Variants in PLEKHM1 observed in about 807,000 individuals in gnomAD.
PLEKHM1 encodes pleckstrin homology and RUN domain containing M1.
A neutral mutation model predicts 94.3 loss-of-function variants in PLEKHM1; 28 were observed. The observed-to-expected ratio is 0.30, with a 90% CI of 0.22 to 0.41. PLEKHM1 has a LOEUF of 0.41. Ranked by LOEUF, PLEKHM1 falls within the 10% of genes least tolerant of loss-of-function variation. The pLI is 1.00. For missense variants in PLEKHM1, 907 were observed against 1,358.6 expected, an observed-to-expected ratio of 0.67 and a Z score of 5.22; for synonymous variants, 424 against 581.2, an observed-to-expected ratio of 0.73 and a Z score of 3.89.
chr17:45,490,543 G>T lies in PLEKHM1; in HGVS notation c.-42+109C>A, dbSNP rs539249874. The T allele has an allele frequency of 2.3e-4, 91 of 390,998 alleles. No individual in the cohort carries two copies. The East Asian group carries it at 7.7e-3, about 33-fold the overall frequency. 24.2% of individuals were successfully genotyped at this position (390,998 alleles called of 1,614,324 possible). A position where few individuals can be genotyped will look rare whatever the true frequency, so the allele number is the denominator to read the frequency against. On this transcript the variant is annotated intron_variant, in intron 1 of 11. Transcript: ENST00000430334. ...GGCCCTGAAGCCGGGCAGTCTCAGG[G>T]TAACCAGGGGCTGGGAATCGCGGAG...
intron 4 of PLEKHM1, among the ~76,000 whole-genome samples, chr17:45,470,178 A>G (rs1466790568): frequency 6.6e-6 from 1 of 152,248 alleles, no homozygotes; most frequent in African/African-American, 2.4e-5. Flanking sequence ...AATCACATGC[A>G]AAAGAAAAAA....
At chr17:45,472,216 G>A (rs2051537927) in intron 4 of PLEKHM1, among the ~76,000 whole-genome samples, 1 of 149,700 alleles carries the variant, frequency 6.7e-6, no homozygotes, top group Admixed American at 6.6e-5. Context: ...GCTGGTCTCT[G>A]TGGATGCTCA....
At chr17:45,483,187 A>G (rs1357461597) in intron 1 of PLEKHM1, among the ~76,000 whole-genome samples, 1 of 151,964 alleles carries the variant, frequency 6.6e-6, no homozygotes, top group Non-Finnish European at 1.5e-5. Flanking sequence ...TTTGCCACTA[A>G]CCAGGTAGGC....
chr17:45,455,874 C>T (rs1457371716), intron 6 of PLEKHM1, among the ~76,000 whole-genome samples: 1 of 152,192 alleles, frequency 6.6e-6, no homozygotes, highest in Non-Finnish European at 1.5e-5. Context: ...TCCACAGTGG[C>T]GGCCATCTCC....
intron 3 of PLEKHM1, chr17:45,475,937 C>T: frequency 3.1e-6 from 2 of 635,094 alleles, no homozygotes; most frequent in Admixed American, 4.7e-5. Context: ...CACTTGAGCT[C>T]AGGAATTCGT....
At chr17:45,455,125 G>A (rs1597946272) in intron 6 of PLEKHM1, among the ~76,000 whole-genome samples, 6 of 152,252 alleles carry the variant, frequency 3.9e-5, no homozygotes, top group South Asian at 2.1e-4. Flanking sequence ...GTGAGACTCC[G>A]TCTCAACAAA....
chr17:45,469,780 G>A (rs2145290209), intron 4 of PLEKHM1, among the ~76,000 whole-genome samples: 1 of 152,312 alleles, frequency 6.6e-6, no homozygotes, highest in Admixed American at 6.5e-5. Flanking sequence ...ACATGTATAA[G>A]TAACTGATTT....
At chr17:45,489,670 A>G (rs1278387298) in intron 1 of PLEKHM1, among the ~76,000 whole-genome samples, 1 of 151,546 alleles carries the variant, frequency 6.6e-6, no homozygotes, top group Non-Finnish European at 1.5e-5. Context: ...CTTATTTACC[A>G]CCTGAGCCCC....
intron 1 of PLEKHM1, among the ~76,000 whole-genome samples, chr17:45,486,843 A>AT (rs758682404): frequency 9.2e-5 from 14 of 152,280 alleles, no homozygotes; most frequent in Admixed American, 2.6e-4. Context: ...CAGGGCTCAG[A>AT]TGGTCAGTGA....
intron 5 of PLEKHM1, among the ~76,000 whole-genome samples, chr17:45,466,826 G>A (rs1471759443): frequency 6.6e-6 from 1 of 151,836 alleles, no homozygotes; most frequent in Non-Finnish European, 1.5e-5. Flanking sequence ...GTTTGGTGGT[G>A]GTATCTATTA....
intron 6 of PLEKHM1, among the ~76,000 whole-genome samples, chr17:45,457,752 G>A (rs1169091126): frequency 6.6e-6 from 1 of 152,022 alleles, no homozygotes; most frequent in Non-Finnish European, 1.5e-5. Context: ...AAAACAAATA[G>A]CAGATTTGAT....
At chr17:45,484,009 C>T (rs1463714533) in intron 1 of PLEKHM1, among the ~76,000 whole-genome samples, 1 of 152,218 alleles carries the variant, frequency 6.6e-6, no homozygotes, top group African/African-American at 2.4e-5. Flanking sequence ...GTGGGCCATG[C>T]CTCATCCTAG....
chr17:45,465,446 T>G (rs765604507), intron 5 of PLEKHM1, among the ~76,000 whole-genome samples: 1 of 152,012 alleles, frequency 6.6e-6, no homozygotes, highest in Non-Finnish European at 1.5e-5. Flanking sequence ...CGGTGGCTCA[T>G]GCCTGTAATC....
chr17:45,447,517 C>A (rs370660383), intron 8 of PLEKHM1, among the ~76,000 whole-genome samples: 1 of 152,240 alleles, frequency 6.6e-6, no homozygotes, highest in Non-Finnish European at 1.5e-5. Context: ...TGCTCCCCAG[C>A]GACTGTTCCT....
At chr17:45,476,486 G>A (rs371472804) in intron 3 of PLEKHM1, among the ~76,000 whole-genome samples, 1 of 152,058 alleles carries the variant, frequency 6.6e-6, no homozygotes, top group Non-Finnish European at 1.5e-5. Flanking sequence ...TGGTTTGGTT[G>A]CAAGGCCAGG....
chr17:45,437,328 AGCCACCC>A lies in PLEKHM1; in HGVS notation c.*523_*529del, dbSNP rs1034773818. 8.4e-5 allele frequency: 38 copies of A among 454,184 alleles called. No homozygotes were observed. In the East Asian group the frequency reaches 1.8e-3, roughly 22 times the overall value. The allele number at this position is 454,184 out of a possible 1,614,324, so 28.1% of individuals were successfully genotyped here. On this transcript the variant is annotated 3_prime_UTR_variant, in exon 12 of 12. Transcript: ENST00000430334. This position sits in a 1 kb window ranked among gnomAD's most constrained non-coding sequence, Gnocchi z 4.0. ...CTGTCCCAGCAGTGGCCTGCCCACCAGCCACCCGCTACCTCTAAGCCAGGCCTGAGTG... is the reference window on the plus strand; with the variant it reads ...CTGTCCCAGCAGTGGCCTGCCCACCAGCTACCTCTAAGCCAGGCCTGAGTG...
chr17:45,439,386 GAGCGA>G, intron 11 of PLEKHM1, 86 bp downstream of exon 11: 3 of 1,425,594 alleles, frequency 2.1e-6, no homozygotes, highest in Middle Eastern at 2.1e-4. Context: ...CCTGCCCACA[GAGCGA>G]AGCCTGCTGC....
At chr17:45,480,240 C>G (rs1305816362) in intron 2 of PLEKHM1, among the ~76,000 whole-genome samples, 1 of 152,142 alleles carries the variant, frequency 6.6e-6, no homozygotes, top group Non-Finnish European at 1.5e-5. Context: ...CCCAGCACTT[C>G]GGGAGGCCAA....
At chr17:45,441,517 G>A (rs2050446301) in intron 9 of PLEKHM1, among the ~76,000 whole-genome samples, 1 of 152,214 alleles carries the variant, frequency 6.6e-6, no homozygotes, top group African/African-American at 2.4e-5. Flanking sequence ...GGGGACACAG[G>A]TTGGCCTTCA....
Sources: allele counts gnomAD v4.1 joint callset (sites outside exome capture counted in the v4.1 genomes callset), GRCh38; gene constraint gnomAD v4.1.1; non-coding constraint Gnocchi (gnomAD v3.1); transcripts MANE v1.5; gene names NCBI Gene and HGNC (gene_info 2026-07-23, HGNC 2026-07-21).